The following LRMDA variants were observed in gnomAD, a reference collection of about 807,000 sequenced individuals.
The protein encoded by LRMDA is leucine-rich melanocyte differentiation-associated protein.
A neutral mutation model predicts 29.8 loss-of-function variants in LRMDA; 18 were observed. The ratio of observed to expected loss-of-function variants is 0.60; its 90% CI spans 0.42 to 0.90. The LOEUF (loss-of-function observed/expected upper bound fraction) is 0.90. Ranked by LOEUF, LRMDA falls within the 40% of genes least tolerant of loss-of-function variation. The pLI is 0.00. For synonymous variants in LRMDA, 125 were observed against 109.4 expected, an observed-to-expected ratio of 1.14 and a Z score of -0.89; for missense variants, 273 against 273.9, an observed-to-expected ratio of 1.00 and a Z score of 0.02.
At chr10:75,972,745 G>A (rs926124236) in intron 2 of LRMDA, among the ~76,000 whole-genome samples, 7 of 152,242 alleles carry the variant, frequency 4.6e-5, no homozygotes, top group East Asian at 1.9e-4. Context: ...AGCAGTGTGC[G>A]TCAGAAGCCG....
chr10:76,475,313 T>C (rs1172704618), intron 6 of LRMDA, among the ~76,000 whole-genome samples: 2 of 151,854 alleles, frequency 1.3e-5, no homozygotes, highest in African/African-American at 4.8e-5. Flanking sequence ...TATTTTAACG[T>C]AGTAAATTTT....
intron 2 of LRMDA, among the ~76,000 whole-genome samples, chr10:75,795,156 G>A (rs976696272): frequency 1.3e-5 from 2 of 152,168 alleles, no homozygotes; most frequent in Non-Finnish European, 2.9e-5. Context: ...AGCACTTTGG[G>A]AGGCTGAGGC....
chr10:76,124,405 C>A (rs965022168), intron 5 of LRMDA, among the ~76,000 whole-genome samples: 2 of 152,212 alleles, frequency 1.3e-5, no homozygotes, highest in African/African-American at 2.4e-5. Flanking sequence ...AAACTCACAC[C>A]TTTTCTCAGG....
At chr10:75,446,145 C>T (rs1046890868) in intron 2 of LRMDA, among the ~76,000 whole-genome samples, 1 of 152,226 alleles carries the variant, frequency 6.6e-6, no homozygotes, top group Admixed American at 6.5e-5. Context: ...CTAGACAGAG[C>T]TGGGCTGTTA....
intron 5 of LRMDA, among the ~76,000 whole-genome samples, chr10:76,118,828 T>A (rs189032796): frequency 1.3e-5 from 2 of 150,802 alleles, no homozygotes; most frequent in East Asian, 3.9e-4. Flanking sequence ...AAAATCAGCC[T>A]GTGCAAATAC....
At chr10:75,764,434 G>C (rs1307960633) in intron 2 of LRMDA, among the ~76,000 whole-genome samples, 1 of 152,130 alleles carries the variant, frequency 6.6e-6, no homozygotes, top group Admixed American at 6.5e-5. Flanking sequence ...AGTTCATAGA[G>C]CCCCCAGTTT....
At chr10:76,229,158 T>C (rs1432609241) in intron 5 of LRMDA, among the ~76,000 whole-genome samples, 1 of 152,198 alleles carries the variant, frequency 6.6e-6, no homozygotes, top group African/African-American at 2.4e-5. Flanking sequence ...TATGTCTTTG[T>C]TGGGCGAGAA....
intron 5 of LRMDA, among the ~76,000 whole-genome samples, chr10:76,181,377 C>T (rs999183544): frequency 4.6e-5 from 7 of 152,220 alleles, no homozygotes; most frequent in Admixed American, 1.3e-4. Context: ...GTCAGTACTT[C>T]CCAATTTCCT....
chr10:75,658,952 T>C (rs1299324703), intron 2 of LRMDA, among the ~76,000 whole-genome samples: 2 of 151,986 alleles, frequency 1.3e-5, no homozygotes, highest in Non-Finnish European at 2.9e-5. Context: ...TGGGCTCAGG[T>C]TTGGAGCCCA....
intron 2 of LRMDA, among the ~76,000 whole-genome samples, chr10:75,993,758 C>T (rs1847411518): frequency 6.6e-6 from 1 of 151,754 alleles, no homozygotes; most frequent in Non-Finnish European, 1.5e-5. Context: ...AACCATGACT[C>T]ATTTATTCCC....
At chr10:76,519,515 A>G (rs965811380) in intron 6 of LRMDA, among the ~76,000 whole-genome samples, 1 of 152,210 alleles carries the variant, frequency 6.6e-6, no homozygotes, top group Non-Finnish European at 1.5e-5. Context: ...ACATATTCAT[A>G]TATGTTTGGC....
intron 5 of LRMDA, among the ~76,000 whole-genome samples, chr10:76,097,171 T>A (rs1010550362): frequency 1.3e-5 from 2 of 152,010 alleles, no homozygotes; most frequent in Non-Finnish European, 2.9e-5. Context: ...CCACCATGCC[T>A]GGCTTATTTT....
chr10:76,143,742 G>A (rs1252893260), intron 5 of LRMDA, among the ~76,000 whole-genome samples: 3 of 152,072 alleles, frequency 2.0e-5, no homozygotes, highest in Admixed American at 6.6e-5. Context: ...ATTGCTTTTG[G>A]GGTTTTAAAC....
intron 2 of LRMDA, among the ~76,000 whole-genome samples, chr10:75,984,408 T>TC (rs1367885550): frequency 6.6e-6 from 1 of 152,200 alleles, no homozygotes; most frequent in Non-Finnish European, 1.5e-5. Flanking sequence ...AGCCGTCAAC[T>TC]TCTCTGCCCT....
At chr10:75,529,703 CA>C (rs1277384778) in intron 2 of LRMDA, among the ~76,000 whole-genome samples, 2 of 152,130 alleles carry the variant, frequency 1.3e-5, no homozygotes, top group Non-Finnish European at 2.9e-5. Context: ...ATTGAATTAT[CA>C]GTAGAGAATT....
chr10:76,052,132 A>G (rs913495808), intron 4 of LRMDA, among the ~76,000 whole-genome samples: 1 of 152,204 alleles, frequency 6.6e-6, no homozygotes, highest in African/African-American at 2.4e-5. Flanking sequence ...TGCTGCCTTC[A>G]GGGGTCTCAG....
chr10:76,483,876 A>G lies in LRMDA; in HGVS notation c.602-73333A>G, dbSNP rs187147254. Among the ~76,000 whole-genome samples the G allele has an allele frequency of 1.8e-3, 276 of 151,980 alleles. 4 individuals are homozygous for G. The highest frequency in any genetic ancestry group is 0.01 in the Middle Eastern group (3 of 294). ...CACATGGATAGCTACTTGATTCATC[A>G]CAATTTATTGGAAAAAAGTTCCATT... On this transcript the variant is annotated intron_variant, in intron 6 of 6. Transcript: ENST00000611255.
chr10:76,297,750 CT>C (rs1019014971), intron 5 of LRMDA, among the ~76,000 whole-genome samples: 3 of 152,164 alleles, frequency 2.0e-5, no homozygotes, highest in Non-Finnish European at 4.4e-5. Flanking sequence ...CATTGCCCCC[CT>C]TTACCTTTGT....
chr10:76,332,307 A>T (rs558874174), intron 6 of LRMDA, among the ~76,000 whole-genome samples: 1 of 152,094 alleles, frequency 6.6e-6, no homozygotes, highest in Admixed American at 6.5e-5. Context: ...ACTTTAAGCA[A>T]CCTCCTTTAA....
Sources: allele counts gnomAD v4.1 joint callset (sites outside exome capture counted in the v4.1 genomes callset), GRCh38; gene constraint gnomAD v4.1.1; transcripts MANE v1.5; gene names NCBI Gene and HGNC (gene_info 2026-07-23, HGNC 2026-07-21).